Variants in PCDHGB7 observed in about 807,000 individuals in gnomAD.
The protein encoded by PCDHGB7 is protocadherin gamma subfamily B, 7.
PCDHGB7 carries 37 observed loss-of-function variants against 61.4 expected under a neutral mutation model. The observed-to-expected ratio is 0.60, with a 90% confidence interval of 0.46 to 0.79. PCDHGB7 has a LOEUF of 0.79. Among genes scored for constraint, PCDHGB7 ranks in the 30% least tolerant of loss-of-function variants. The probability of loss-of-function intolerance (pLI) is 0.00; values close to 1 mark genes in which losing one functional copy is unlikely to be tolerated. For missense variants in PCDHGB7, 1,166 were observed against 1,202.5 expected, an observed-to-expected ratio of 0.97 and a Z score of 0.45; for synonymous variants, 464 against 503.5, an observed-to-expected ratio of 0.92 and a Z score of 1.05.
chr5:141,438,735 C>T (rs2098057719), intron 1 of PCDHGB7, among the ~76,000 whole-genome samples: 1 of 149,150 alleles, frequency 6.7e-6, no homozygotes, highest in South Asian at 2.1e-4. Context: ...GATCTCAGCT[C>T]ACTGCAACCT....
intron 1 of PCDHGB7, among the ~76,000 whole-genome samples, chr5:141,444,838 T>G (rs2098448876): frequency 6.6e-6 from 1 of 152,214 alleles, no homozygotes; most frequent in African/African-American, 2.4e-5. Context: ...AGCTTTATAG[T>G]AAGTCTTGCT....
At chr5:141,433,060 C>T in intron 1 of PCDHGB7, 1 of 1,614,198 alleles carries the variant, frequency 6.2e-7, no homozygotes, top group Non-Finnish European at 8.5e-7. Flanking sequence ...GGAAGAGTCA[C>T]CTGATCTTCC....
intron 1 of PCDHGB7, among the ~76,000 whole-genome samples, chr5:141,467,359 A>G (rs997614051): frequency 1.3e-5 from 2 of 151,714 alleles, no homozygotes; most frequent in African/African-American, 4.8e-5. Context: ...GGCCAAATCA[A>G]CGTTTTCTTA....
chr5:141,421,916 G>T (rs754653877), intron 1 of PCDHGB7: 1 of 1,613,528 alleles, frequency 6.2e-7, no homozygotes. Flanking sequence ...GTTCCCATTC[G>T]TGTGGTGGTC....
At position 141,420,006 on chromosome 5, in the gene PCDHGB7, GAC is replaced by G. The variant is rs745722189; in HGVS notation, c.2149_2150del (p.Gln717ValfsTer11). ...ATTCTAGCTATTGCTCTACGCCTGC[GAC>G]AGTCTTTCAGCCCTACTGCAGGAGA... is the stretch of plus-strand genomic sequence containing the variant. On this transcript the variant is annotated frameshift_variant, in exon 1 of 4. Coordinates refer to ENST00000398594, the MANE Select transcript of PCDHGB7 (RefSeq NM_018927.4). LOFTEE classifies it high-confidence loss of function. The G allele has an allele frequency of 6.2e-7, 1 of 1,613,936 alleles. No individual in the cohort carries two copies. The highest frequency in any genetic ancestry group is 1.3e-5 in the African/African-American group (1 of 74,942).
intron 1 of PCDHGB7, chr5:141,442,400 C>G (rs1478739190): frequency 6.6e-6 from 1 of 152,224 alleles, no homozygotes; most frequent in Admixed American, 6.5e-5. Context: ...TCCTACGAAT[C>G]CAGGGCTGAG....
chr5:141,469,581 A>G (rs543624370), intron 1 of PCDHGB7, among the ~76,000 whole-genome samples: 1 of 152,340 alleles, frequency 6.6e-6, no homozygotes, highest in Admixed American at 6.5e-5. Flanking sequence ...CTCTAAATAA[A>G]TAAATAAATA....
chr5:141,468,790 C>T (rs1215557602), intron 1 of PCDHGB7, among the ~76,000 whole-genome samples: 10 of 151,564 alleles, frequency 6.6e-5, no homozygotes, highest in African/African-American at 2.2e-4. Context: ...GGCGTGAACC[C>T]GGGAGGCGGA....
At chr5:141,484,352 T>A (rs112226980) in intron 1 of PCDHGB7, among the ~76,000 whole-genome samples, 8,127 of 152,270 alleles carry the variant, frequency 0.053, 445 homozygotes, top group African/African-American at 0.15. Context: ...TAATTTAGTG[T>A]ATCTAGTGTA....
chr5:141,427,998 C>T, intron 1 of PCDHGB7: 1 of 1,600,956 alleles, frequency 6.2e-7, no homozygotes, highest in Non-Finnish European at 8.6e-7. Flanking sequence ...TGGCTCCGCA[C>T]TCTTCGATAT....
chr5:141,439,697 A>T (rs2098127217), intron 1 of PCDHGB7, among the ~76,000 whole-genome samples: 1 of 152,218 alleles, frequency 6.6e-6, no homozygotes, highest in Non-Finnish European at 1.5e-5. Flanking sequence ...CAACATTCCT[A>T]TTATGGCTCC....
intron 1 of PCDHGB7, among the ~76,000 whole-genome samples, chr5:141,450,335 T>A (rs1054670037): frequency 1.3e-5 from 2 of 152,158 alleles, no homozygotes; most frequent in African/African-American, 4.8e-5. Context: ...CTCTTTAATC[T>A]ACTTTAATCT....
At chr5:141,421,119 C>T (rs542039688) in intron 1 of PCDHGB7, 1 of 772,768 alleles carries the variant, frequency 1.3e-6, no homozygotes, top group Non-Finnish European at 2.0e-6. Flanking sequence ...TATTTTCCTT[C>T]GCTTTCTGAT....
chr5:141,431,991 A>T lies in PCDHGB7; in HGVS notation c.2415+11717A>T, dbSNP rs1046547219. On this transcript the variant is annotated intron_variant, in intron 1 of 3. Transcript: ENST00000398594. The surrounding 1 kb of genome is among the most constrained non-coding windows in gnomAD (Gnocchi z 4.8). ...AGTTTAGTCACAGACATAGTCTTGG[A>T]TAGGGAACAGGTTCCTAGCTACAAC... is the stretch of plus-strand genomic sequence containing the variant. 5 of 1,614,100 alleles carry T rather than the reference A, an allele frequency of 3.1e-6. No individual in the cohort carries two copies. Among genetic ancestry groups the T allele is most frequent in the Non-Finnish European group, 3.4e-6 (4 of 1,180,050 alleles).
Position 141,421,313 on chromosome 5 carries a change from C to T in PCDHGB7, c.2415+1039C>T, listed in dbSNP as rs201429116. 461 of 1,613,716 alleles carry T rather than the reference C, an allele frequency of 2.9e-4. No homozygotes were observed. Among genetic ancestry groups the T allele is most frequent in the Non-Finnish European group, 3.7e-4 (436 of 1,179,850 alleles). On this transcript the variant is annotated intron_variant, in intron 1 of 3. Coordinates refer to ENST00000398594, the MANE Select transcript of PCDHGB7 (RefSeq NM_018927.4). ...CTGGGGACGCTGCGGGGGTTCCGGGCCAGGCAGATCCGATATTCGGTGCCA... is the reference window on the plus strand; with the variant it reads ...CTGGGGACGCTGCGGGGGTTCCGGGTCAGGCAGATCCGATATTCGGTGCCA...
rs976135607 is a variant in PCDHGB7 at position 141,489,115 on chromosome 5, C to A, written c.2416-5692C>A. ...CTAAGAACTGCTGCAAGCAGGCAAA[C>A]CTCCGAGCAGTTTTTAAGAGGCTGG... On this transcript the variant is annotated intron_variant, in intron 1 of 3. Coordinates refer to ENST00000398594, the MANE Select transcript of PCDHGB7 (RefSeq NM_018927.4). This position sits in a 1 kb window ranked among gnomAD's most constrained non-coding sequence, Gnocchi z 4.5. 7.3e-5 allele frequency: 37 copies of A among 506,794 alleles called. No homozygotes were observed. Among genetic ancestry groups the A allele is most frequent in the Non-Finnish European group, 1.2e-4 (35 of 298,604 alleles). 31.4% of individuals were successfully genotyped at this position (506,794 alleles called of 1,614,324 possible).
intron 1 of PCDHGB7, among the ~76,000 whole-genome samples, chr5:141,462,012 G>A (rs1046109009): frequency 9.9e-5 from 15 of 152,128 alleles, no homozygotes; most frequent in Admixed American, 5.9e-4. Context: ...TAATAGAGAC[G>A]GGGTTTCTTC....
chr5:141,489,084 C>G lies in PCDHGB7; in HGVS notation c.2416-5723C>G. ...CTCCCCCCTGCCCACCCCCGCCACT[C>G]GGTGACTAAGAACTGCTGCAAGCAG... On this transcript the variant is annotated intron_variant, in intron 1 of 3. Transcript: ENST00000398594. This position sits in a 1 kb window ranked among gnomAD's most constrained non-coding sequence, Gnocchi z 4.5. 6.1e-6 allele frequency: 2 copies of G among 329,126 alleles called. No homozygotes were observed. The highest frequency in any genetic ancestry group is 2.5e-5 in the African/African-American group (1 of 40,384). 20.4% of individuals were successfully genotyped at this position (329,126 alleles called of 1,614,324 possible). A position where few individuals can be genotyped will look rare whatever the true frequency, so the allele number is the denominator to read the frequency against.
intron 1 of PCDHGB7, among the ~76,000 whole-genome samples, chr5:141,482,723 A>G (rs1441054551): frequency 2.3e-5 from 3 of 128,892 alleles, no homozygotes; most frequent in Non-Finnish European, 4.9e-5. Context: ...GGGAGGGGCC[A>G]TTGCAAGAAA....
Sources: gnomAD v4.1 joint callset for allele counts (sites outside exome capture counted in the v4.1 genomes callset) on GRCh38, gnomAD v4.1.1 for gene constraint, Gnocchi (gnomAD v3.1) non-coding constraint, MANE v1.5 for transcripts, NCBI Gene and HGNC (gene_info 2026-07-23, HGNC 2026-07-21) for gene names.